GLIS3: variants seen among roughly 807,000 people sequenced by gnomAD.
The protein encoded by GLIS3 is zinc finger protein GLIS3.
In GLIS3, 53 loss-of-function variants were observed where a neutral mutation model predicts 78.6. The observed-to-expected ratio is 0.67, with a 90% CI of 0.54 to 0.85. The LOEUF (loss-of-function observed/expected upper bound fraction) is 0.85, where lower values mean the gene tolerates loss of function less well. Among genes scored for constraint, GLIS3 ranks in the 40% least tolerant of loss-of-function variants. GLIS3 has a pLI of 0.00. For synonymous variants in GLIS3, 684 were observed against 509.9 expected, an observed-to-expected ratio of 1.34 and a Z score of -4.60; for missense variants, 1,703 against 1,231.1, an observed-to-expected ratio of 1.38 and a Z score of -5.74.
intron 4 of GLIS3, among the ~76,000 whole-genome samples, chr9:4,069,900 C>CGGAT (rs1351599818): frequency 6.6e-6 from 1 of 151,932 alleles, no homozygotes; most frequent in Non-Finnish European, 1.5e-5. Flanking sequence ...CATCTGGAAG[C>CGGAT]GGAAGCCTGT....
chr9:3,991,683 A>AATTTTTTTTTTTTTTTTTTTTTT lies in GLIS3; in HGVS notation c.1711-54495_1711-54494insAAAAAAAAAAAAAAAAAAAAAAT, dbSNP rs1265317427. 5.5e-4 allele frequency among the ~76,000 whole-genome samples: 48 copies of AATTTTTTTTTTTTTTTTTTTTTT among 87,894 alleles called. 8 individuals are homozygous for AATTTTTTTTTTTTTTTTTTTTTT. The highest frequency in any genetic ancestry group is 1.8e-3 in the African/African-American group (35 of 18,974). The allele number at this position is 87,894 out of a possible 152,430, so 57.7% of individuals were successfully genotyped here. A position where few individuals can be genotyped will look rare whatever the true frequency, so the allele number is the denominator to read the frequency against. ...GTTCAGAATTTCATTAAGTAGGCTG[A>AATTTTTTTTTTTTTTTTTTTTTT]TTTTTTTTTTTTTTTTTTTTTTTTT... On this transcript the variant is annotated intron_variant, in intron 4 of 10. Coordinates refer to ENST00000381971, the MANE Select transcript of GLIS3 (RefSeq NM_001042413.2).
intron 4 of GLIS3, among the ~76,000 whole-genome samples, chr9:3,980,622 G>C (rs183918658): frequency 1.3e-5 from 2 of 152,300 alleles, no homozygotes; most frequent in East Asian, 3.9e-4. Flanking sequence ...TTGTGCCTCT[G>C]TATGTTCAGA....
At chr9:4,151,672 A>G (rs569870310) in intron 2 of GLIS3, among the ~76,000 whole-genome samples, 81 of 152,290 alleles carry the variant, frequency 5.3e-4, no homozygotes, top group African/African-American at 1.8e-3. Flanking sequence ...GCCTTTCTTC[A>G]TCTTTGTTCT....
chr9:3,856,212 T>G, intron 8 of GLIS3, 28 bp from the exon 9 acceptor site: 1 of 1,599,616 alleles, frequency 6.3e-7, no homozygotes, highest in Non-Finnish European at 8.5e-7. Context: ...AAAGGAAACA[T>G]GAGGGACATA....
At chr9:4,169,304 G>C (rs1220173043) in intron 2 of GLIS3, among the ~76,000 whole-genome samples, 1 of 152,188 alleles carries the variant, frequency 6.6e-6, no homozygotes, top group Non-Finnish European at 1.5e-5. Context: ...TCAGATTCTG[G>C]AAGTTACTAA....
chr9:4,058,979 C>G (rs1398935871), intron 4 of GLIS3, among the ~76,000 whole-genome samples: 2 of 149,462 alleles, frequency 1.3e-5, no homozygotes, highest in East Asian at 2.0e-4. Context: ...AAGACTCCAT[C>G]TCAAAAACAA....
chr9:4,387,306 A>C, the GLIS3 span, among the ~76,000 whole-genome samples: 1 of 151,666 alleles, frequency 6.6e-6, no homozygotes, highest in African/African-American at 2.4e-5. Flanking sequence ...TTTTTTTTTT[A>C]ATTCCCCCTT....
intron 2 of GLIS3, among the ~76,000 whole-genome samples, chr9:4,255,861 T>C (rs1191189408): frequency 6.6e-6 from 1 of 152,062 alleles, no homozygotes; most frequent in Non-Finnish European, 1.5e-5. Flanking sequence ...CTATGGACTC[T>C]GGGTAATCAT....
chr9:4,104,108 A>C (rs1830578810), intron 4 of GLIS3, among the ~76,000 whole-genome samples: 1 of 152,138 alleles, frequency 6.6e-6, no homozygotes, highest in Non-Finnish European at 1.5e-5. Flanking sequence ...TCATAATTTT[A>C]GATGTTACCT....
chr9:3,848,480 C>T (rs932762896), intron 9 of GLIS3, among the ~76,000 whole-genome samples: 6 of 152,056 alleles, frequency 3.9e-5, no homozygotes, highest in South Asian at 2.1e-4. Flanking sequence ...CCAGCCTGGA[C>T]GACAAGAGCG....
chr9:4,202,601 G>A (rs1195575922), intron 2 of GLIS3, among the ~76,000 whole-genome samples: 3 of 152,224 alleles, frequency 2.0e-5, no homozygotes, highest in East Asian at 3.9e-4. Flanking sequence ...AAATCGCATG[G>A]TGAAAGTACA....
chr9:4,305,579 A>G (rs1387336594), intron 4 of GLIS3: 1 of 152,240 alleles, frequency 6.6e-6, no homozygotes, highest in African/African-American at 2.4e-5. Flanking sequence ...ATCTGGGCCT[A>G]AGTCAATCCG....
intron 2 of GLIS3, among the ~76,000 whole-genome samples, chr9:4,340,127 C>G (rs1241801018): frequency 6.6e-6 from 1 of 151,792 alleles, no homozygotes; most frequent in Non-Finnish European, 1.5e-5. Flanking sequence ...ATCTCTGGAT[C>G]TATTCCCTTT....
At chr9:4,129,460 T>A (rs1832804313) in intron 2 of GLIS3, among the ~76,000 whole-genome samples, 1 of 152,092 alleles carries the variant, frequency 6.6e-6, no homozygotes, top group Non-Finnish European at 1.5e-5. Context: ...GGATCCTTCA[T>A]AAATGGTTTA....
At chr9:4,268,574 G>C (rs1049689085) in intron 2 of GLIS3, among the ~76,000 whole-genome samples, 2 of 152,122 alleles carry the variant, frequency 1.3e-5, no homozygotes, top group South Asian at 2.1e-4. Context: ...CATCATTCTA[G>C]GCAATGTAAG....
chr9:3,915,518 G>T (rs1474806197), intron 6 of GLIS3, among the ~76,000 whole-genome samples: 1 of 152,142 alleles, frequency 6.6e-6, no homozygotes. Context: ...TGTCCTCTAA[G>T]TTAGAGGACT....
intron 2 of GLIS3, among the ~76,000 whole-genome samples, chr9:4,132,041 T>TG (rs201862985): frequency 6.6e-5 from 10 of 150,578 alleles, no homozygotes; most frequent in African/African-American, 2.4e-4. Flanking sequence ...CTACGGCCAA[T>TG]GTTTTTTTTA....
At chr9:4,462,672 G>A in the GLIS3 span, among the ~76,000 whole-genome samples, 1 of 151,410 alleles carries the variant, frequency 6.6e-6, no homozygotes, top group Non-Finnish European at 1.5e-5. Context: ...CATTAGCTGG[G>A]TGTGTTGTAT....
intron 3 of GLIS3, 45 bp downstream of exon 3, chr9:4,125,689 G>T: frequency 7.5e-7 from 1 of 1,324,572 alleles, no homozygotes; most frequent in Non-Finnish European, 1.1e-6. Flanking sequence ...CTTGTGGGGT[G>T]TGTTTATACC....
Sources: allele counts gnomAD v4.1 joint callset (sites outside exome capture counted in the v4.1 genomes callset), GRCh38; gene constraint gnomAD v4.1.1; transcripts MANE v1.5; gene names NCBI Gene and HGNC (gene_info 2026-07-23, HGNC 2026-07-21).